Variants in ZPR1 observed in about 807,000 individuals in gnomAD.
ZPR1 encodes the protein ZPR1 zinc finger, also known as zinc finger protein ZPR1.
In ZPR1, 37 loss-of-function variants were observed where a neutral mutation model predicts 59.6. That is an observed-to-expected ratio of 0.62 (90% CI 0.48 to 0.82). The LOEUF (loss-of-function observed/expected upper bound fraction) is 0.82, where lower values mean the gene tolerates loss of function less well. ZPR1 is among the 40% of genes least tolerant of loss of function. The pLI is 0.00. For synonymous variants in ZPR1, 191 were observed against 215.2 expected (o/e 0.89, Z 0.99); for missense variants, 527 against 579.9 (o/e 0.91, Z 0.94).
intron 13 of ZPR1, among the ~76,000 whole-genome samples, 154 bp downstream of exon 13, chr11:116,779,618 C>A (rs536005324): frequency 2.5e-4 from 38 of 152,196 alleles, no homozygotes; most frequent in Non-Finnish European, 4.4e-4. Context: ...CCCACACCCC[C>A]CTCTTTTCTC....
chr11:116,782,058 T>A, intron 12 of ZPR1, 100 bp downstream of exon 12: 2 of 782,526 alleles, frequency 2.6e-6, no homozygotes, highest in Non-Finnish European at 4.1e-6. Flanking sequence ...ATCCCCAACA[T>A]GATGGTTAGA....
intron 8 of ZPR1, 81 bp from the exon 9 acceptor site, chr11:116,784,529 A>C: frequency 7.6e-7 from 1 of 1,313,826 alleles, no homozygotes; most frequent in Non-Finnish European, 1.1e-6. Context: ...ACCCCACACA[A>C]ACATATGCTG....
chr11:116,784,376 ACCTCATTGGTCCGATGC>A lies in ZPR1; in HGVS notation c.876_891+1del. 6.2e-7 allele frequency: 1 copy of A among 1,613,934 alleles called. No homozygotes were observed. The highest frequency in any genetic ancestry group is 8.5e-7 in the Non-Finnish European group (1 of 1,179,954). On this transcript the variant is annotated splice_donor_variant and coding_sequence_variant, in exon 9 of 14. Coordinates refer to ENST00000227322, the MANE Select transcript of ZPR1 (RefSeq NM_003904.5). LOFTEE classifies it high-confidence loss of function. ...TCTTCCCAAATAATGGCGCCCACCC[ACCTCATTGGTCCGATGC>A]CCACAGTTCTCGCAGTTGGTAGCCA... is the stretch of plus-strand genomic sequence containing the variant.
chr11:116,786,859 G>T, intron 3 of ZPR1, 110 bp downstream of exon 3: 1 of 883,348 alleles, frequency 1.1e-6, no homozygotes, highest in Non-Finnish European at 1.9e-6. Flanking sequence ...ATGATTACAT[G>T]GTAGAACCCA....
intron 12 of ZPR1, among the ~76,000 whole-genome samples, chr11:116,781,022 C>T (rs1591307766): frequency 6.6e-6 from 1 of 151,928 alleles, no homozygotes; most frequent in African/African-American, 2.4e-5. Flanking sequence ...TTTTAAAAAG[C>T]TCCTTGGAAA....
intron 6 of ZPR1, 69 bp downstream of exon 6, chr11:116,785,445 A>T: frequency 6.3e-7 from 1 of 1,581,298 alleles, no homozygotes; most frequent in Non-Finnish European, 8.6e-7. Flanking sequence ...AATAAGTTCC[A>T]CTGACTCCAA....
rs1365147521 is a variant in ZPR1, at chr11:116,782,239, G to A, written c.1098C>T (p.Thr366=). The part of the protein sequence containing the change: ...GLLKDIRELV[T]KNPFTLGDSS... ...TGTCGCCCAGTGTGAAAGGATTTTT[G>A]GTCACCTGCAATAAATGATAATCCA... The change falls in exon 12 of 14, where the codon ACC becomes ACT. Residue 366 remains threonine (T), a synonymous_variant. Coordinates refer to ENST00000227322, the MANE Select transcript of ZPR1 (RefSeq NM_003904.5). 1 of 1,613,720 alleles carries A rather than the reference G, an allele frequency of 6.2e-7. No homozygotes were observed. Among genetic ancestry groups the A allele is most frequent in the Non-Finnish European group, 8.5e-7 (1 of 1,179,770 alleles).
chr11:116,775,391 A>G lies in ZPR1; in HGVS notation c.*3534T>C, dbSNP rs73588424. ...GGAGAATTGCTTGAACCCAGGAGGC[A>G]AGGCTGCAGTGAGCCAAGATCGCAC... On this transcript the variant is annotated 3_prime_UTR_variant, in exon 14 of 14. Transcript: ENST00000227322. 0.12 allele frequency: 18,175 copies of G among 150,590 alleles called. 1,648 individuals carry two copies. The highest frequency in any genetic ancestry group is 0.25 in the African/African-American group (9,990 of 40,666). 9.3% of individuals were successfully genotyped at this position (150,590 alleles called of 1,614,324 possible). A position where few individuals can be genotyped will look rare whatever the true frequency, so the allele number is the denominator to read the frequency against.
chr11:116,786,846 A>G (rs1286908965), intron 3 of ZPR1, 123 bp downstream of exon 3: 2 of 825,756 alleles, frequency 2.4e-6, no homozygotes, highest in East Asian at 2.4e-5. Flanking sequence ...AATGAAGATC[A>G]CAATGATTAC....
Position 116,778,853 on chromosome 11 carries a change from G to A in ZPR1, c.*72C>T, listed in dbSNP as rs546813808. ...GGTGGGAAAGACACTCCCAGCCTTC[G>A]CCTTCATCCAATACTAATAAATAAC... On this transcript the variant is annotated 3_prime_UTR_variant, in exon 14 of 14. Coordinates refer to ENST00000227322, the MANE Select transcript of ZPR1 (RefSeq NM_003904.5). The A allele has an allele frequency of 3.0e-5, 46 of 1,552,628 alleles. No individual in the cohort carries two copies. The highest frequency in any genetic ancestry group is 1.8e-4 in the African/African-American group (13 of 73,552).
intron 3 of ZPR1, 54 bp downstream of exon 3, chr11:116,786,915 G>A (rs1940895943): frequency 6.9e-7 from 1 of 1,445,196 alleles, no homozygotes; most frequent in Admixed American, 1.7e-5. Context: ...GCAAGAAAGA[G>A]GGTAAGATTC....
At chr11:116,785,409 T>G in intron 6 of ZPR1, 105 bp downstream of exon 6, 1 of 1,499,012 alleles carries the variant, frequency 6.7e-7, no homozygotes, top group Non-Finnish European at 9.0e-7. Flanking sequence ...CAAGCTGAGA[T>G]AGGGCACACA....
At position 116,777,347 on chromosome 11, in the gene ZPR1, TAACTCA is replaced by T. The variant is rs986715716; in HGVS notation, c.*1572_*1577del. ...AGATGTCTGATTGCTAAATCATCTC[TAACTCA>T]TTCTTCAGAGTTAAGTTTGCAACAC... On this transcript the variant is annotated 3_prime_UTR_variant, in exon 14 of 14. Transcript: ENST00000227322. 3.9e-5 allele frequency: 6 copies of T among 152,242 alleles called. No homozygotes were observed. The highest frequency in any genetic ancestry group is 1.4e-4 in the African/African-American group (6 of 41,460). 9.4% of individuals were successfully genotyped at this position (152,242 alleles called of 1,614,324 possible).
At position 116,783,537 on chromosome 11, in the gene ZPR1, A is replaced by G; in HGVS notation, c.974T>C (p.Leu325Pro). 6.2e-7 allele frequency: 1 copy of G among 1,613,666 alleles called. No individual in the cohort carries two copies. The highest frequency in any genetic ancestry group is 8.5e-7 in the Non-Finnish European group (1 of 1,179,574). ...TCCCAAGCAGACTGTTACCTTGAGG[A>G]GGTCTCTGGTCATATCTGAGGCATC... The part of the protein sequence containing the change: ...ITDASDMTRD[L>P]LKSETCSVEI... Residue 325 changes from leucine (L) to proline (P), a missense_variant, in exon 10 of 14, where the codon CTC (leucine) becomes CCC (proline). By Grantham distance (98) the Leu-to-Pro change is moderately conservative. Transcript: ENST00000227322.
Position 116,779,714 on chromosome 11 carries a change from T to C in ZPR1, c.1245+58A>G, listed in dbSNP as rs1940775294. 5 of 1,276,526 alleles carry C rather than the reference T, an allele frequency of 3.9e-6. No individual in the cohort carries two copies. The South Asian group carries it at 6.4e-5, about 16-fold the overall frequency. The allele number at this position is 1,276,526 out of a possible 1,614,324, so 79.1% of individuals were successfully genotyped here. On this transcript the variant is annotated intron_variant, in intron 13 of 13. Transcript: ENST00000227322. ...TTTCAGTTTCTAGGGAAATGATACA[T>C]ATTCAAGGAAGATCAGAAAATGTAT...
In ZPR1 at chr11:116,785,632, A is replaced by G. The variant is rs368697578; in HGVS notation, c.587T>C (p.Ile196Thr). 9 of 1,614,142 alleles carry G rather than the reference A, an allele frequency of 5.6e-6. No homozygotes were observed. The Admixed American group carries it at 6.7e-5, about 12-fold the overall frequency. Reference protein sequence around the residue: ...KQVASPFTLIIDDPSGNSFVE... With the variant: ...KQVASPFTLITDDPSGNSFVE... ...AAAACTGTTCCCTGAGGGATCATCA[A>G]TGATCTAACAAATGGGAGAAGAGAG... The change falls in exon 6 of 14, where the codon ATT (isoleucine) becomes ACT (threonine). Residue 196 changes from isoleucine (I) to threonine (T), a missense_variant. Physicochemically the swap from Ile to Thr is moderately conservative, Grantham distance 89. Transcript: ENST00000227322.
chr11:116,788,016 G>A lies in ZPR1; in HGVS notation c.-26C>T, dbSNP rs763000803. On this transcript the variant is annotated 5_prime_UTR_variant, in exon 1 of 14. Coordinates refer to ENST00000227322, the MANE Select transcript of ZPR1 (RefSeq NM_003904.5). The stretch of plus-strand genomic sequence containing the variant: ...GGCCACCACGCGCAATTCAGACCTC[G>A]GCTTCCTACTTCCGCCGCTCTCGCG... 21 of 1,412,786 alleles carry A rather than the reference G, an allele frequency of 1.5e-5. No homozygotes were observed. Among genetic ancestry groups the A allele is most frequent in the Non-Finnish European group, 1.8e-5 (20 of 1,091,812 alleles). 87.5% of individuals were successfully genotyped at this position (1,412,786 alleles called of 1,614,324 possible).
rs149774235 is a variant in ZPR1 at position 116,785,440 on chromosome 11, G to T, written c.705+74C>A. The T allele has an allele frequency of 1.9e-6, 3 of 1,576,162 alleles. No homozygotes were observed. The Admixed American group carries it at 5.6e-5, about 30-fold the overall frequency. ...ACACAGAGCAGCAGCAGCAAAATAAGTTCCACTGACTCCAAGCAATCCAGA... is the reference window on the plus strand; with the variant it reads ...ACACAGAGCAGCAGCAGCAAAATAATTTCCACTGACTCCAAGCAATCCAGA... On this transcript the variant is annotated intron_variant, in intron 6 of 13. Coordinates refer to ENST00000227322, the MANE Select transcript of ZPR1 (RefSeq NM_003904.5).
chr11:116,787,383 G>A, intron 2 of ZPR1, 99 bp downstream of exon 2: 3 of 1,260,624 alleles, frequency 2.4e-6, no homozygotes, highest in Non-Finnish European at 3.3e-6. Flanking sequence ...GGAGACATAG[G>A]GGGATTTATT....
Sources: gnomAD v4.1 joint callset for allele counts (sites outside exome capture counted in the v4.1 genomes callset) on GRCh38, gnomAD v4.1.1 for gene constraint, MANE v1.5 for transcripts, NCBI Gene and HGNC (gene_info 2026-07-23, HGNC 2026-07-21) for gene names.